Variants in RBMX observed in about 807,000 individuals in gnomAD.
RBMX encodes RNA binding motif protein X-linked.
In RBMX, 1 loss-of-function variant was observed where a neutral mutation model predicts 29.3. The observed-to-expected ratio is 0.03, with a 90% CI of 0.01 to 0.16. The LOEUF is 0.16. Ranked by LOEUF, RBMX falls within the 10% of genes least tolerant of loss-of-function variation. The pLI is 1.00. For missense variants in RBMX, 121 were observed against 333.2 expected, an observed-to-expected ratio of 0.36 and a Z score of 4.96; for synonymous variants, 102 against 102.3, an observed-to-expected ratio of 1.00 and a Z score of 0.02.
At position 136,874,095 on chromosome X, in the gene RBMX, T is replaced by G. The variant is rs1441242160; in HGVS notation, c.*47A>C. On this transcript the variant is annotated 3_prime_UTR_variant, in exon 9 of 9. Transcript: ENST00000320676. Reference sequence around the variant, plus strand: ...GTAGTTATGATAGAATAGTTTCCACTTTTTGTTTCTTTGAACTGGGATTTT... The same window carrying G: ...GTAGTTATGATAGAATAGTTTCCACGTTTTGTTTCTTTGAACTGGGATTTT... 8.6e-7 allele frequency: 1 copy of G among 1,161,785 alleles called. No individual in the cohort carries two copies. The highest frequency in any genetic ancestry group is 3.0e-5 in the East Asian group (1 of 33,443).
At chrX:136,877,800 T>G in intron 4 of RBMX, 115 bp downstream of exon 4, 1 of 672,101 alleles carries the variant, frequency 1.5e-6, no homozygotes, top group Non-Finnish European at 2.2e-6. Context: ...TGAACAAGTG[T>G]TGTCAATTTC....
At position 136,874,911 on chromosome X, in the gene RBMX, T is replaced by G. The variant is rs1026839711; in HGVS notation, c.865+175A>C. On this transcript the variant is annotated intron_variant, in intron 8 of 8. Transcript: ENST00000320676. ...GCAAGCAAACAGCCTCAAAAGAAAC[T>G]TAGAAAAACAAAAAAAGCCCCTCAC... 28 of 932,877 alleles carry G rather than the reference T, an allele frequency of 3.0e-5. No homozygotes were observed. The Admixed American group carries it at 1.3e-3, about 42-fold the overall frequency. 76.9% of individuals were successfully genotyped at this position (932,877 alleles called of 1,213,427 possible).
downstream of RBMX, chrX:136,869,233 C>T: frequency 8.9e-6 from 1 of 112,191 alleles, no homozygotes; most frequent in East Asian, 2.8e-4. Flanking sequence ...CAAAACATTC[C>T]AAAAAGTGAA....
chrX:136,869,653 G>A (rs1244602025), downstream of RBMX: 2 of 110,834 alleles, frequency 1.8e-5, no homozygotes, highest in Non-Finnish European at 3.8e-5. Flanking sequence ...TCAAATGAGA[G>A]TTAAAAATGT....
In RBMX at chrX:136,875,590, A is replaced by C. The variant is rs761111789; in HGVS notation, c.542-5T>G. On this transcript the variant is annotated splice_region_variant and splice_polypyrimidine_tract_variant and intron_variant, in intron 5 of 8. Coordinates refer to ENST00000320676, the MANE Select transcript of RBMX (RefSeq NM_002139.4). The stretch of plus-strand genomic sequence containing the variant: ...CTCTTCCACGTGATACAGGAGCTTA[A>C]GGAAAAATATCATTTTTTTAAACAT... The C allele has an allele frequency of 8.4e-7, 1 of 1,195,489 alleles. No homozygotes were observed. Among genetic ancestry groups the C allele is most frequent in the Admixed American group, 2.4e-5 (1 of 41,745 alleles).
At position 136,876,756 on chromosome X, in the gene RBMX, G is replaced by A. The variant is rs1208473773; in HGVS notation, c.389-101C>T. ...TGAGAGTCTCACTGTCGCCCAGGCT[G>A]GAGTGCAGTGGCTTCATCTCGGCTC... On this transcript the variant is annotated intron_variant, in intron 4 of 8. Coordinates refer to ENST00000320676, the MANE Select transcript of RBMX (RefSeq NM_002139.4). 4 of 689,720 alleles carry A rather than the reference G, an allele frequency of 5.8e-6. No individual in the cohort carries two copies. The Admixed American group carries it at 1.3e-4, about 22-fold the overall frequency. 56.8% of individuals were successfully genotyped at this position (689,720 alleles called of 1,213,427 possible).
downstream of RBMX, among the ~76,000 whole-genome samples, chrX:136,871,671 A>G (rs2077685765): frequency 9.2e-6 from 1 of 108,465 alleles, no homozygotes; most frequent in South Asian, 4.0e-4. Context: ...CCTCTTCTTG[A>G]GACAGGGTCT....
At chrX:136,874,631 T>C (rs2077709856) in intron 8 of RBMX, 179 bp from the exon 9 acceptor site, 1 of 534,406 alleles carries the variant, frequency 1.9e-6, no homozygotes, top group Non-Finnish European at 2.9e-6. Context: ...GATATGGAAT[T>C]GGATTCATTT....
At chrX:136,872,164 TAC>T (rs750779521), downstream of RBMX, 37 of 612,334 alleles carry the variant, frequency 6.0e-5, no homozygotes, top group African/African-American at 7.1e-4. Flanking sequence ...CGTTTTCTTT[TAC>T]AGATGAAGTG....
downstream of RBMX, chrX:136,869,915 C>G (rs2077675151): frequency 8.9e-6 from 1 of 111,837 alleles, no homozygotes; most frequent in African/African-American, 3.2e-5. Context: ...TAATTGTTTC[C>G]AGTGTGCTTG....
chrX:136,879,335 A>G lies in RBMX; in HGVS notation c.93T>C (p.Tyr31=). Residue 31 remains tyrosine, a synonymous_variant, in exon 2 of 9, where the codon TAT becomes TAC. Coordinates refer to ENST00000320676, the MANE Select transcript of RBMX (RefSeq NM_002139.4). ...ACAACTCACCTTCCACTATTCGTCC[A>G]TATTTGCCAAATACTGCTTCAAGAG... is the stretch of plus-strand genomic sequence containing the variant. ...EKALEAVFGK[Y]GRIVEVLLMK... The G allele has an allele frequency of 1.7e-6, 2 of 1,211,472 alleles. No homozygotes were observed. Among genetic ancestry groups the G allele is most frequent in the South Asian group, 1.8e-5 (1 of 56,987 alleles).
downstream of RBMX, chrX:136,872,297 A>G (rs1043152737): frequency 2.4e-5 from 28 of 1,164,008 alleles, no homozygotes; most frequent in African/African-American, 4.3e-4. Context: ...AGCTTTATCT[A>G]CTGTGAATCA....
downstream of RBMX, chrX:136,872,361 A>T: frequency 1.7e-6 from 2 of 1,153,251 alleles, no homozygotes; most frequent in Non-Finnish European, 2.3e-6. Context: ...AAAGTTAAAT[A>T]AATGAAAACT....
intron 5 of RBMX, 63 bp from the exon 6 acceptor site, chrX:136,875,648 A>C (rs1297209207): frequency 8.6e-7 from 1 of 1,157,357 alleles, no homozygotes; most frequent in Non-Finnish European, 1.2e-6. Context: ...GTGAACTTAC[A>C]TTCAGGCTAT....
chrX:136,878,975 G>A (rs962767777), intron 3 of RBMX, 42 bp downstream of exon 3: 18 of 1,195,068 alleles, frequency 1.5e-5, no homozygotes, highest in African/African-American at 1.8e-5. Flanking sequence ...GTTATTTTAT[G>A]CACTAGTAAC....
intron 5 of RBMX, among the ~76,000 whole-genome samples, 191 bp downstream of exon 5, chrX:136,876,312 C>T (rs1407478956): frequency 1.1e-4 from 12 of 108,946 alleles, no homozygotes; most frequent in Admixed American, 1.1e-3. Context: ...TTAGTAGAGA[C>T]GGGGTTTCAC....
chrX:136,879,554 G>C lies in RBMX; in HGVS notation c.-26-101C>G, dbSNP rs1158356395. The C allele has an allele frequency of 7.1e-6, 5 of 708,878 alleles. No homozygotes were observed. The East Asian group carries it at 1.7e-4, about 24-fold the overall frequency. 58.4% of individuals were successfully genotyped at this position (708,878 alleles called of 1,213,427 possible). ...TCTCATATTTTCCACTAAAACCATT[G>C]TTCCTTAATAACTAAAGAAAACGAT... On this transcript the variant is annotated intron_variant, in intron 1 of 8. Coordinates refer to ENST00000320676, the MANE Select transcript of RBMX (RefSeq NM_002139.4).
At chrX:136,878,531 A>T (rs1385585241) in intron 3 of RBMX, among the ~76,000 whole-genome samples, 3 of 106,532 alleles carry the variant, frequency 2.8e-5, no homozygotes, top group Non-Finnish European at 5.8e-5. Context: ...GGATCACCTG[A>T]AGTCAGGAGT....
chrX:136,874,937 A>G (rs1412417693), intron 8 of RBMX, 149 bp downstream of exon 8: 4 of 1,036,445 alleles, frequency 3.9e-6, no homozygotes, highest in Non-Finnish European at 5.0e-6. Flanking sequence ...AGCCCCTCAC[A>G]AAACTAGGAA....
Sources: allele counts gnomAD v4.1 joint callset (sites outside exome capture counted in the v4.1 genomes callset), GRCh38; gene constraint gnomAD v4.1.1; transcripts MANE v1.5; gene names NCBI Gene and HGNC (gene_info 2026-07-23, HGNC 2026-07-21).